Variants in C19orf38 observed in about 807,000 individuals in gnomAD.
The protein encoded by C19orf38 is protein HIDE1.
Under a neutral mutation model 26.6 loss-of-function variants are expected in C19orf38, and 14 were observed. The observed-to-expected ratio is 0.53, with a 90% CI of 0.35 to 0.82. C19orf38 has a LOEUF of 0.82. Ranked by LOEUF, C19orf38 falls within the 40% of genes least tolerant of loss-of-function variation. The probability of loss-of-function intolerance (pLI) is 0.01; values close to 1 mark genes in which losing one functional copy is unlikely to be tolerated. For synonymous variants in C19orf38, 132 were observed against 128.5 expected (o/e 1.03, Z -0.18); for missense variants, 261 against 299.5 (o/e 0.87, Z 0.95).
chr19:10,866,303 C>T (rs529935697), intron 6 of C19orf38, among the ~76,000 whole-genome samples: 1 of 150,436 alleles, frequency 6.6e-6, no homozygotes, highest in African/African-American at 2.4e-5. Flanking sequence ...CAGGTTCAAG[C>T]GATTCTCCTG....
intron 2 of C19orf38, among the ~76,000 whole-genome samples, chr19:10,855,198 A>G: frequency 6.6e-6 from 1 of 151,396 alleles, no homozygotes; most frequent in African/African-American, 2.4e-5. Flanking sequence ...ACACCTGGCT[A>G]ATTTTTGTAT....
rs115850204 is a variant in C19orf38 at position 10,869,444 on chromosome 19, C to T, written c.*77C>T. On this transcript the variant is annotated 3_prime_UTR_variant, in exon 7 of 7. Coordinates refer to ENST00000397820, the MANE Select transcript of C19orf38 (RefSeq NM_001136482.3). ...CCCTCCAGCTACTTCTGGGGGGGCT[C>T]TGTCAGCCACTTTCTCAGGGAATTG... 2.7e-4 allele frequency: 390 copies of T among 1,442,032 alleles called. 4 individuals are homozygous for T. In the African/African-American group the frequency reaches 4.6e-3, roughly 17 times the overall value. 89.3% of individuals were successfully genotyped at this position (1,442,032 alleles called of 1,614,324 possible).
intron 2 of C19orf38, 29 bp downstream of exon 2, chr19:10,850,596 C>T (rs563540551): frequency 2.1e-5 from 32 of 1,548,854 alleles, no homozygotes; most frequent in Middle Eastern, 1.7e-4. Flanking sequence ...ATCTCACTGC[C>T]GGGGGCTTAA....
At chr19:10,857,364 A>T (rs190840973) in intron 3 of C19orf38, among the ~76,000 whole-genome samples, 2,639 of 77,828 alleles carry the variant, frequency 0.034, 113 homozygotes, top group East Asian at 0.21. Context: ...ATATATATAT[A>T]TATTTTTTTT....
At chr19:10,840,461 A>C (rs1479528730) in intron 1 of C19orf38, among the ~76,000 whole-genome samples, 1 of 151,136 alleles carries the variant, frequency 6.6e-6, no homozygotes, top group Non-Finnish European at 1.5e-5. Flanking sequence ...GCACATGCCA[A>C]CACACCCAGC....
rs985971411 is a variant in C19orf38 at position 10,869,254 on chromosome 19, G to GATC, written c.582_584dup (p.His195dup). 6.4e-7 allele frequency: 1 copy of GATC among 1,551,660 alleles called. No homozygotes were observed. The highest frequency in any genetic ancestry group is 8.7e-7 in the Non-Finnish European group (1 of 1,146,982). Reference sequence around the variant, plus strand: ...AGAAGAAGACCCGGCCACCTTGGATGATCACTCAGGCACCACTGCCACCCC... The same window carrying GATC: ...AGAAGAAGACCCGGCCACCTTGGATGATCATCACTCAGGCACCACTGCCACCCC... On this transcript the variant is annotated inframe_insertion, in exon 7 of 7. Coordinates refer to ENST00000397820, the MANE Select transcript of C19orf38 (RefSeq NM_001136482.3).
In C19orf38 at chr19:10,852,253, C is replaced by T. The variant is rs577257272; in HGVS notation, c.340+1686C>T. ...TAGCTGGGATTACAGATGTGAGTCA[C>T]CATGCCCAGCATGAGCCACATAAGG... On this transcript the variant is annotated intron_variant, in intron 2 of 6. Transcript: ENST00000397820. 3.3e-5 allele frequency among the ~76,000 whole-genome samples: 5 copies of T among 152,260 alleles called. No individual in the cohort carries two copies. The South Asian group carries it at 8.3e-4, about 25-fold the overall frequency.
At chr19:10,837,023 G>C (rs951591267) in intron 1 of C19orf38, among the ~76,000 whole-genome samples, 3 of 152,144 alleles carry the variant, frequency 2.0e-5, no homozygotes, top group Non-Finnish European at 4.4e-5. Flanking sequence ...CACGTTGCCT[G>C]GTTCAGCTCC....
upstream of C19orf38, among the ~76,000 whole-genome samples, chr19:10,846,256 G>C (rs2073516315): frequency 6.6e-6 from 1 of 151,748 alleles, no homozygotes; most frequent in Non-Finnish European, 1.5e-5. Context: ...GAGTGCAGTG[G>C]CATGATCTCA....
rs548306536 is a variant in C19orf38 at position 10,863,376 on chromosome 19, T to G, written c.543+169T>G. The stretch of plus-strand genomic sequence containing the variant: ...CAGGGACTCAGTAGTGAGCCGAGAG[T>G]TGGCTGTGAAAAAATCCCAGGGGGT... On this transcript the variant is annotated intron_variant, in intron 6 of 6. Coordinates refer to ENST00000397820, the MANE Select transcript of C19orf38 (RefSeq NM_001136482.3). Among the ~76,000 whole-genome samples the G allele has an allele frequency of 2.0e-5, 3 of 151,748 alleles. No homozygotes were observed. In the South Asian group the frequency reaches 6.3e-4, roughly 32 times the overall value.
intron 1 of C19orf38, among the ~76,000 whole-genome samples, chr19:10,842,798 T>A (rs140650917): frequency 6.6e-6 from 1 of 152,164 alleles, no homozygotes; most frequent in East Asian, 1.9e-4. Flanking sequence ...AGGATTTTTC[T>A]TAGCCACTTT....
Position 10,858,297 on chromosome 19 carries a change from C to A in C19orf38, c.434-19C>A. The stretch of plus-strand genomic sequence containing the variant: ...TTAGGACCAAAATCTAACACATGCT[C>A]ATTTCTTTTTTGTTCCAGTTAAACT... On this transcript the variant is annotated intron_variant, in intron 3 of 6. Coordinates refer to ENST00000397820, the MANE Select transcript of C19orf38 (RefSeq NM_001136482.3). 7.2e-7 allele frequency: 1 copy of A among 1,390,186 alleles called. No homozygotes were observed. The highest frequency in any genetic ancestry group is 1.2e-5 in the South Asian group (1 of 80,286). 86.1% of individuals were successfully genotyped at this position (1,390,186 alleles called of 1,614,324 possible). A position where few individuals can be genotyped will look rare whatever the true frequency, so the allele number is the denominator to read the frequency against.
intron 2 of C19orf38, among the ~76,000 whole-genome samples, chr19:10,850,805 G>A (rs1023176921): frequency 6.6e-6 from 1 of 152,170 alleles, no homozygotes; most frequent in Non-Finnish European, 1.5e-5. Flanking sequence ...GGTGCTGAAA[G>A]CTGTCAGGGA....
rs2073440386 is a variant in C19orf38, at chr19:10,837,322, TGTC to T, written c.-69+553_-69+555del. 2.0e-5 allele frequency among the ~76,000 whole-genome samples: 3 copies of T among 152,314 alleles called. No homozygotes were observed. The South Asian group carries it at 6.2e-4, about 32-fold the overall frequency. ...AGATCCCTCAAATACAGCTGGCTGTTGTCAGCACTTTCCTGCATTTGGAGAATT... is the reference window on the plus strand; with the variant it reads ...AGATCCCTCAAATACAGCTGGCTGTTAGCACTTTCCTGCATTTGGAGAATT... On this transcript the variant is annotated intron_variant, in intron 1 of 7. Transcript: ENST00000592854.
chr19:10,869,177 C>T lies in C19orf38; in HGVS notation c.544-41C>T, dbSNP rs966558147. ...TGGAGAAACCCTAGATCCTGAAACC[C>T]CAAATCACCCACTTCTGTGTTTCTT... On this transcript the variant is annotated intron_variant, in intron 6 of 6. Transcript: ENST00000397820. 6 of 1,550,672 alleles carry T rather than the reference C, an allele frequency of 3.9e-6. No individual in the cohort carries two copies. The African/African-American group carries it at 8.2e-5, about 21-fold the overall frequency.
chr19:10,850,502 T>G lies in C19orf38; in HGVS notation c.275T>G (p.Val92Gly). Residue 92 changes from valine to glycine, a missense_variant, in exon 2 of 7, where the codon GTG becomes GGG. Transcript: ENST00000397820. ...PGGPFHCQYG[V>G]LGELNQSQLS... The stretch of plus-strand genomic sequence containing the variant: ...GGACCCTTCCACTGCCAGTATGGAG[T>G]GTTAGGTGAGCTCAACCAGTCCCAG... 2 of 1,550,962 alleles carry G rather than the reference T, an allele frequency of 1.3e-6. No homozygotes were observed. The highest frequency in any genetic ancestry group is 1.7e-6 in the Non-Finnish European group (2 of 1,146,820).
chr19:10,842,760 G>A (rs2073488108), intron 1 of C19orf38, among the ~76,000 whole-genome samples: 1 of 152,016 alleles, frequency 6.6e-6, no homozygotes, highest in Non-Finnish European at 1.5e-5. Flanking sequence ...AGAATTCCAG[G>A]TTGTAGATTC....
intron 1 of C19orf38, among the ~76,000 whole-genome samples, chr19:10,838,970 A>G (rs1346820941): frequency 6.7e-6 from 1 of 149,332 alleles, no homozygotes; most frequent in Non-Finnish European, 1.5e-5. Context: ...GCTGGAGTGC[A>G]GTGGCGTGAC....
chr19:10,851,963 A>G (rs1269766916), intron 2 of C19orf38, among the ~76,000 whole-genome samples: 1 of 143,376 alleles, frequency 7.0e-6, no homozygotes, highest in Non-Finnish European at 1.5e-5. Flanking sequence ...CGACAGAGCG[A>G]GACTCCGTCT....
Sources: gnomAD v4.1 joint callset for allele counts (sites outside exome capture counted in the v4.1 genomes callset) on GRCh38, gnomAD v4.1.1 for gene constraint, MANE v1.5 for transcripts, NCBI Gene and HGNC (gene_info 2026-07-23, HGNC 2026-07-21) for gene names.